NRG4: variants seen among roughly 807,000 people sequenced by gnomAD.
The protein encoded by NRG4 is pro-neuregulin-4, membrane-bound isoform.
Under a neutral mutation model 15.0 loss-of-function variants are expected in NRG4, and 10 were observed. The observed-to-expected ratio is 0.67, with a 90% CI of 0.41 to 1.13. The LOEUF is 1.13. NRG4 is among the 50% of genes most tolerant of loss of function. The pLI is 0.00. For synonymous variants in NRG4, 41 were observed against 50.1 expected, an observed-to-expected ratio of 0.82 and a Z score of 0.77; for missense variants, 139 against 140.2, an observed-to-expected ratio of 0.99 and a Z score of 0.04.
intron 3 of NRG4, 126 bp downstream of exon 3, chr15:76,009,074 A>T: frequency 1.5e-6 from 1 of 646,816 alleles, no homozygotes; most frequent in Non-Finnish European, 2.8e-6. Flanking sequence ...ATTTTCCCTA[A>T]ATAAATATGA....
At chr15:76,011,544 ATC>A (rs1210470774) in intron 1 of NRG4, among the ~76,000 whole-genome samples, 2 of 152,236 alleles carry the variant, frequency 1.3e-5, no homozygotes, top group African/African-American at 4.8e-5. Context: ...AATCTTAAAT[ATC>A]TCTCTGCAGA....
chr15:76,053,926 C>A (rs2036086454), intron 2 of NRG4, among the ~76,000 whole-genome samples: 1 of 150,946 alleles, frequency 6.6e-6, no homozygotes, highest in South Asian at 2.1e-4. Flanking sequence ...CGCTGATATT[C>A]CATTTTGGCA....
chr15:75,940,980 T>C lies in NRG4; in HGVS notation c.*2658A>G, dbSNP rs758234790. ...TAAAATTTTGTGCATCAAAGAACAC[T>C]ATCAACAGAGTAAAAAGATTACCTA... On this transcript the variant is annotated 3_prime_UTR_variant, in exon 6 of 6. Transcript: ENST00000394907. The C allele has an allele frequency of 2.8e-4, 42 of 152,122 alleles. No homozygotes were observed. The highest frequency in any genetic ancestry group is 3.9e-4 in the Admixed American group (6 of 15,276). 9.4% of individuals were successfully genotyped at this position (152,122 alleles called of 1,614,324 possible).
chr15:75,982,556 T>G (rs1207273903), intron 3 of NRG4, among the ~76,000 whole-genome samples: 1 of 152,050 alleles, frequency 6.6e-6, no homozygotes, highest in Non-Finnish European at 1.5e-5. Context: ...GGACAAAATA[T>G]GAAAAGCAAA....
intron 5 of NRG4, among the ~76,000 whole-genome samples, chr15:76,028,454 T>G (rs954074857): frequency 2.0e-5 from 3 of 152,098 alleles, no homozygotes; most frequent in Non-Finnish European, 4.4e-5. Context: ...ATGGAAAACC[T>G]AAACAGACCA....
rs1448574242 is a variant in NRG4, at chr15:75,942,558, CAT to C, written c.*1078_*1079del. 5 of 152,136 alleles carry C rather than the reference CAT, an allele frequency of 3.3e-5. No homozygotes were observed. Among genetic ancestry groups the C allele is most frequent in the South Asian group, 2.1e-4 (1 of 4,824 alleles). 9.4% of individuals were successfully genotyped at this position (152,136 alleles called of 1,614,324 possible). A position where few individuals can be genotyped will look rare whatever the true frequency, so the allele number is the denominator to read the frequency against. ...GTACTCTGTCTCAATGTCTTACCCTCATGTGTTTGTGAAATGAGTGAATGATG... is the reference window on the plus strand; with the variant it reads ...GTACTCTGTCTCAATGTCTTACCCTCGTGTTTGTGAAATGAGTGAATGATG... On this transcript the variant is annotated 3_prime_UTR_variant, in exon 6 of 6. Coordinates refer to ENST00000394907, the MANE Select transcript of NRG4 (RefSeq NM_138573.4).
At chr15:76,005,885 T>C (rs1217311124) in intron 3 of NRG4, 2 of 323,990 alleles carry the variant, frequency 6.2e-6, no homozygotes, top group East Asian at 1.6e-4. Context: ...AGTGAATGGC[T>C]CTAGTTAGAA....
At chr15:75,966,907 G>A (rs2141824567) in intron 3 of NRG4, among the ~76,000 whole-genome samples, 1 of 152,148 alleles carries the variant, frequency 6.6e-6, no homozygotes, top group South Asian at 2.1e-4. Flanking sequence ...ACAAGGTCAG[G>A]AGTTCAAGAC....
At chr15:76,024,190 G>C (rs556429030) in intron 5 of NRG4, among the ~76,000 whole-genome samples, 2 of 152,312 alleles carry the variant, frequency 1.3e-5, no homozygotes, top group East Asian at 3.9e-4. Flanking sequence ...GCTGCCCCTG[G>C]CTAGCATGCC....
intron 3 of NRG4, among the ~76,000 whole-genome samples, chr15:75,989,759 T>G (rs1265172273): frequency 1.3e-5 from 2 of 152,198 alleles, no homozygotes; most frequent in Non-Finnish European, 2.9e-5. Flanking sequence ...CTGTTTCTAC[T>G]GATTGACTTT....
intron 3 of NRG4, among the ~76,000 whole-genome samples, chr15:76,003,521 T>C (rs2034487715): frequency 6.6e-6 from 1 of 151,896 alleles, no homozygotes; most frequent in Non-Finnish European, 1.5e-5. Flanking sequence ...GAAAGAATAT[T>C]TAAAGAAATA....
chr15:75,979,355 T>G (rs561358710), intron 3 of NRG4, among the ~76,000 whole-genome samples: 2 of 152,342 alleles, frequency 1.3e-5, no homozygotes. Context: ...TGTTCTTTTC[T>G]TATCTCCAAT....
intron 3 of NRG4, chr15:76,052,815 G>T (rs2036052568): frequency 6.6e-6 from 1 of 151,052 alleles, no homozygotes; most frequent in Admixed American, 6.6e-5. Context: ...CCAGTCAATA[G>T]TTAGAATGCA....
chr15:76,006,677 T>A (rs557625157), intron 3 of NRG4, among the ~76,000 whole-genome samples: 1 of 152,350 alleles, frequency 6.6e-6, no homozygotes, highest in Admixed American at 6.5e-5. Context: ...TCCCAATTAC[T>A]ACTTTTACAT....
intron 5 of NRG4, among the ~76,000 whole-genome samples, chr15:75,951,698 A>T (rs538165162): frequency 6.6e-6 from 1 of 152,236 alleles, no homozygotes; most frequent in East Asian, 1.9e-4. Flanking sequence ...ATTCAGCATA[A>T]GAACCTTACA....
chr15:75,975,680 G>A (rs2454467), intron 3 of NRG4, among the ~76,000 whole-genome samples: 14,871 of 152,116 alleles, frequency 0.098, 1,831 homozygotes, highest in African/African-American at 0.3. Flanking sequence ...ATTGGCCCCC[G>A]CTCTCTTCTG....
intron 3 of NRG4, chr15:76,052,309 T>C (rs2036038323): frequency 6.6e-6 from 1 of 151,144 alleles, no homozygotes; most frequent in Non-Finnish European, 1.5e-5. Flanking sequence ...TCAAAGGACT[T>C]TTTAGTAAGA....
At chr15:76,042,313 G>C (rs569521074) in intron 4 of NRG4, among the ~76,000 whole-genome samples, 1 of 151,588 alleles carries the variant, frequency 6.6e-6, no homozygotes, top group Admixed American at 6.6e-5. Context: ...ATCAGTAGAA[G>C]AATAAAGAGC....
At chr15:75,938,212 A>G (rs1324682585), downstream of NRG4, 1 of 152,240 alleles carries the variant, frequency 6.6e-6, no homozygotes, top group Non-Finnish European at 1.5e-5. Context: ...TTCAGTGATC[A>G]CACACAGAAG....
Sources: gnomAD v4.1 joint callset for allele counts (sites outside exome capture counted in the v4.1 genomes callset) on GRCh38, gnomAD v4.1.1 for gene constraint, MANE v1.5 for transcripts, NCBI Gene and HGNC (gene_info 2026-07-23, HGNC 2026-07-21) for gene names.